The following KLHL26 variants were observed in gnomAD, a reference collection of about 807,000 sequenced individuals.
KLHL26 encodes the protein kelch like family member 26.
Under a neutral mutation model 7.1 loss-of-function variants are expected in KLHL26, and 4 were observed. The observed-to-expected ratio is 0.56, with a 90% CI of 0.28 to 1.28. The LOEUF (loss-of-function observed/expected upper bound fraction) is 1.28. Among genes scored for constraint, KLHL26 ranks in the 50% most tolerant of loss-of-function variants. The probability of loss-of-function intolerance (pLI) is 0.11; values close to 1 mark genes in which losing one functional copy is unlikely to be tolerated. For missense variants in KLHL26, 896 were observed against 924.6 expected (o/e 0.97, Z 0.40); for synonymous variants, 465 against 414.1 (o/e 1.12, Z -1.49).
intron 1 of KLHL26, among the ~76,000 whole-genome samples, chr19:18,660,583 C>T (rs891485663): frequency 3.9e-5 from 6 of 152,202 alleles, no homozygotes; most frequent in Admixed American, 1.3e-4. Flanking sequence ...TCCCAGTGGC[C>T]GGCTGGAGAG....
intron 2 of KLHL26, among the ~76,000 whole-genome samples, chr19:18,665,613 A>C (rs966125669): frequency 3.9e-5 from 6 of 152,238 alleles, no homozygotes; most frequent in Non-Finnish European, 8.8e-5. Context: ...GCACTTCCCC[A>C]ACGTGACAGA....
rs769409520 is a variant in KLHL26 at position 18,637,029 on chromosome 19, C to G, written c.-26C>G. The G allele has an allele frequency of 5.4e-6, 7 of 1,297,526 alleles. No homozygotes were observed. In the South Asian group the frequency reaches 1.4e-4, roughly 25 times the overall value. 80.4% of individuals were successfully genotyped at this position (1,297,526 alleles called of 1,614,324 possible). On this transcript the variant is annotated 5_prime_UTR_variant, in exon 1 of 3. Transcript: ENST00000300976. ...GGGCCTGCGCGCGCGGCTCCCGTCA[C>G]TCGAACGCGCGACGGCGGGGGGAAG... is the stretch of plus-strand genomic sequence containing the variant.
intron 1 of KLHL26, among the ~76,000 whole-genome samples, chr19:18,660,301 G>A (rs567116549): frequency 6.6e-6 from 1 of 152,340 alleles, no homozygotes; most frequent in African/African-American, 2.4e-5. Context: ...CCCCTAGCCC[G>A]GGCCAGGCCT....
chr19:18,637,313 G>A (rs1451081099), intron 1 of KLHL26, among the ~76,000 whole-genome samples, 176 bp downstream of exon 1: 1 of 152,176 alleles, frequency 6.6e-6, no homozygotes, highest in Non-Finnish European at 1.5e-5. Context: ...GCTACTGAGG[G>A]GGTGGCTGGA....
At chr19:18,655,394 G>C (rs938708393) in intron 1 of KLHL26, among the ~76,000 whole-genome samples, 2 of 152,224 alleles carry the variant, frequency 1.3e-5, no homozygotes, top group Non-Finnish European at 1.5e-5. Flanking sequence ...TGGGACCGGG[G>C]AGAGGTCGAC....
rs1976804654 is a variant in KLHL26 at position 18,646,547 on chromosome 19, C to T, written c.83+9410C>T. Among the ~76,000 whole-genome samples, 2 of 152,182 alleles carry T rather than the reference C, an allele frequency of 1.3e-5. No homozygotes were observed. Among genetic ancestry groups the T allele is most frequent in the Admixed American group, 6.5e-5 (1 of 15,280 alleles). ...TCATACCCATGGGTGACTGTGGCTC[C>T]CTCTTTATGGGTTGTGGCTGTGACA... On this transcript the variant is annotated intron_variant, in intron 1 of 2. Coordinates refer to ENST00000300976, the MANE Select transcript of KLHL26 (RefSeq NM_018316.3). This position sits in a 1 kb window ranked among gnomAD's most constrained non-coding sequence, Gnocchi z 5.0.
chr19:18,661,074 A>G (rs1440455958), intron 1 of KLHL26, among the ~76,000 whole-genome samples: 2 of 152,144 alleles, frequency 1.3e-5, no homozygotes, highest in African/African-American at 4.8e-5. Flanking sequence ...GCGTTTGCTC[A>G]TCTCATCCTC....
intron 1 of KLHL26, among the ~76,000 whole-genome samples, chr19:18,644,133 C>A (rs1217772443): frequency 6.6e-6 from 1 of 152,206 alleles, no homozygotes; most frequent in Admixed American, 6.5e-5. Context: ...TATCCGTTTT[C>A]AAGTTTTATA....
In KLHL26 at chr19:18,667,791, T is replaced by C; in HGVS notation, c.394T>C (p.Cys132Arg). 1 of 1,613,436 alleles carries C rather than the reference T, an allele frequency of 6.2e-7. No homozygotes were observed. Reference protein sequence around the residue: ...YSAEVTLDLDCVQDVLGAAVF... With the variant: ...YSAEVTLDLDRVQDVLGAAVF... ...CGCCGAGGTGACACTGGACCTGGAC[T>C]GCGTGCAGGACGTGCTGGGCGCGGC... The change falls in exon 3 of 3, where the codon TGC (cysteine) becomes CGC (arginine). Residue 132 changes from cysteine to arginine, a missense_variant. Transcript: ENST00000300976.
rs906346577 is a variant in KLHL26 at position 18,649,341 on chromosome 19, C to T, written c.83+12204C>T. ...TGAGTACCCCACCCCGAACAGTCTT[C>T]GATGCATACCAGAGGGGAAGCCTCC... On this transcript the variant is annotated intron_variant, in intron 1 of 2. Coordinates refer to ENST00000300976, the MANE Select transcript of KLHL26 (RefSeq NM_018316.3). The surrounding 1 kb of genome is among the most constrained non-coding windows in gnomAD (Gnocchi z 4.0). 1.2e-4 allele frequency among the ~76,000 whole-genome samples: 19 copies of T among 152,038 alleles called. No homozygotes were observed. The highest frequency in any genetic ancestry group is 4.6e-4 in the Admixed American group (7 of 15,264).
rs1240236226 is a variant in KLHL26, at chr19:18,656,780, G to GCCCAGCACGCCTGCCCT, written c.84-7472_84-7456dup. Among the ~76,000 whole-genome samples the GCCCAGCACGCCTGCCCT allele has an allele frequency of 1.3e-5, 2 of 151,844 alleles. No homozygotes were observed. The highest frequency in any genetic ancestry group is 4.8e-5 in the African/African-American group (2 of 41,334). On this transcript the variant is annotated intron_variant, in intron 1 of 2. Transcript: ENST00000300976. This position sits in a 1 kb window ranked among gnomAD's most constrained non-coding sequence, Gnocchi z 4.4. ...GGGTGGCTCTGACCCTGCCTGGCCT[G>GCCCAGCACGCCTGCCCT]CCCAGCACGCCTGCCCTCCCAGCAC...
intron 1 of KLHL26, among the ~76,000 whole-genome samples, chr19:18,660,503 G>C (rs2052381655): frequency 6.6e-6 from 1 of 152,204 alleles, no homozygotes; most frequent in Non-Finnish European, 1.5e-5. Flanking sequence ...CGCCTTCCTG[G>C]GGGCCTGTGG....
chr19:18,657,970 G>A (rs1214789510), intron 1 of KLHL26, among the ~76,000 whole-genome samples: 5 of 152,160 alleles, frequency 3.3e-5, no homozygotes, highest in Non-Finnish European at 7.4e-5. Context: ...TCCCAGTGCT[G>A]TGAAACATTG....
At chr19:18,651,909 T>C (rs1007232576) in intron 1 of KLHL26, among the ~76,000 whole-genome samples, 1 of 152,202 alleles carries the variant, frequency 6.6e-6, no homozygotes, top group African/African-American at 2.4e-5. Flanking sequence ...GGGGATGGGC[T>C]GTGGCAGAAG....
At position 18,669,153 on chromosome 19, in the gene KLHL26, G is replaced by T; in HGVS notation, c.1756G>T (p.Asp586Tyr). 1 of 1,612,900 alleles carries T rather than the reference G, an allele frequency of 6.2e-7. No homozygotes were observed. The highest frequency in any genetic ancestry group is 1.1e-5 in the South Asian group (1 of 91,090). The stretch of plus-strand genomic sequence containing the variant: ...CGTACAGGTGTACAACACGGACACC[G>T]ACGAGTGGGAGCGGGACCTGCACTT... ...GIVQVYNTDT[D>Y]EWERDLHFPE... The change falls in exon 3 of 3, where the codon GAC becomes TAC. Residue 586 changes from aspartate (D) to tyrosine (Y), a missense_variant. Coordinates refer to ENST00000300976, the MANE Select transcript of KLHL26 (RefSeq NM_018316.3).
rs544089904 is a variant in KLHL26, at chr19:18,669,578, C to G, written c.*333C>G. The G allele has an allele frequency of 3.8e-6, 2 of 524,526 alleles. No individual in the cohort carries two copies. The highest frequency in any genetic ancestry group is 3.6e-5 in the Admixed American group (1 of 27,468). 32.5% of individuals were successfully genotyped at this position (524,526 alleles called of 1,614,324 possible). A position where few individuals can be genotyped will look rare whatever the true frequency, so the allele number is the denominator to read the frequency against. On this transcript the variant is annotated 3_prime_UTR_variant, in exon 3 of 3. Coordinates refer to ENST00000300976, the MANE Select transcript of KLHL26 (RefSeq NM_018316.3). ...GTCTCCAGGGGGTCCCTGTGCAGCT[C>G]CATCTCACTTCTCTACTGCCTCCCA...
chr19:18,665,552 G>A (rs1365284576), intron 2 of KLHL26, among the ~76,000 whole-genome samples: 1 of 152,212 alleles, frequency 6.6e-6, no homozygotes, highest in East Asian at 1.9e-4. Flanking sequence ...CATGTCCTGG[G>A]CTCTGTCTGA....
rs1976630002 is a variant in KLHL26, at chr19:18,637,037, C to T, written c.-18C>T. The T allele has an allele frequency of 7.6e-7, 1 of 1,311,772 alleles. No homozygotes were observed. Among genetic ancestry groups the T allele is most frequent in the Non-Finnish European group, 9.8e-7 (1 of 1,017,622 alleles). The allele number at this position is 1,311,772 out of a possible 1,614,324, so 81.3% of individuals were successfully genotyped here. On this transcript the variant is annotated 5_prime_UTR_variant, in exon 1 of 3. Transcript: ENST00000300976. ...GCGCGCGGCTCCCGTCACTCGAACG[C>T]GCGACGGCGGGGGGAAGATGGCGGA...
chr19:18,637,493 C>T (rs535705759), intron 1 of KLHL26, among the ~76,000 whole-genome samples: 1 of 152,116 alleles, frequency 6.6e-6, no homozygotes, highest in Non-Finnish European at 1.5e-5. Context: ...GGGGCCATGC[C>T]ATGGCCAGTC....
Sources: gnomAD v4.1 joint callset for allele counts (sites outside exome capture counted in the v4.1 genomes callset) on GRCh38, gnomAD v4.1.1 for gene constraint, Gnocchi (gnomAD v3.1) non-coding constraint, MANE v1.5 for transcripts, NCBI Gene and HGNC (gene_info 2026-07-23, HGNC 2026-07-21) for gene names.